Variants in ZMYND8 observed in about 807,000 individuals in gnomAD.
The protein encoded by ZMYND8 is zinc finger MYND-type containing 8.
Under a neutral mutation model 140.8 loss-of-function variants are expected in ZMYND8, and 37 were observed. That is an observed-to-expected ratio of 0.26 (90% CI 0.20 to 0.35). The LOEUF is 0.35. ZMYND8 is among the 10% of genes least tolerant of loss of function. The probability of loss-of-function intolerance (pLI) is 1.00; values close to 1 mark genes in which losing one functional copy is unlikely to be tolerated. For missense variants in ZMYND8, 1,068 were observed against 1,570.0 expected (o/e 0.68, Z 5.40); for synonymous variants, 592 against 597.1 (o/e 0.99, Z 0.12).
intron 2 of ZMYND8, among the ~76,000 whole-genome samples, chr20:47,332,342 G>C (rs781350451): frequency 1.3e-5 from 2 of 151,952 alleles, no homozygotes; most frequent in Non-Finnish European, 2.9e-5. Flanking sequence ...TTGAAGAAGA[G>C]GACAGAAATA....
chr20:47,273,501 G>A (rs748960683), intron 11 of ZMYND8, among the ~76,000 whole-genome samples: 7 of 152,302 alleles, frequency 4.6e-5, no homozygotes, highest in South Asian at 2.1e-4. Flanking sequence ...AGCCGAGATC[G>A]TGGCACTGCG....
At chr20:47,319,006 GAAC>G (rs1569187184) in intron 2 of ZMYND8, 6 of 1,351,382 alleles carry the variant, frequency 4.4e-6, no homozygotes, top group African/African-American at 1.5e-5. Context: ...GTTCAAAAGA[GAAC>G]AGAGGCTCAC....
intron 2 of ZMYND8, among the ~76,000 whole-genome samples, chr20:47,336,020 C>T (rs1395497794): frequency 6.6e-6 from 1 of 152,174 alleles, no homozygotes; most frequent in Non-Finnish European, 1.5e-5. Context: ...AATACTGATG[C>T]TCATTTTTTG....
intron 12 of ZMYND8, among the ~76,000 whole-genome samples, chr20:47,258,950 C>T (rs2281208): frequency 0.24 from 36,361 of 151,802 alleles, 4,753 homozygotes; most frequent in Non-Finnish European, 0.3. Flanking sequence ...TGTCCTGAAC[C>T]GGAAGAGCTG....
intron 7 of ZMYND8, among the ~76,000 whole-genome samples, chr20:47,288,766 C>T (rs1205879949): frequency 6.6e-6 from 1 of 152,198 alleles, no homozygotes; most frequent in African/African-American, 2.4e-5. Context: ...GTTAGTAATG[C>T]AATATGGTGC....
At chr20:47,283,784 C>G in intron 8 of ZMYND8, 136 bp from the exon 9 acceptor site, 1 of 798,428 alleles carries the variant, frequency 1.3e-6, no homozygotes, top group East Asian at 2.8e-5. Context: ...TGAATCCAAC[C>G]ACTATGTATC....
intron 3 of ZMYND8, among the ~76,000 whole-genome samples, chr20:47,301,727 T>A (rs1483852902): frequency 6.6e-6 from 1 of 152,076 alleles, no homozygotes; most frequent in East Asian, 1.9e-4. Flanking sequence ...TTGTGATGAG[T>A]CACATATATT....
chr20:47,330,148 A>AT (rs1055601558), intron 2 of ZMYND8, among the ~76,000 whole-genome samples: 1 of 152,150 alleles, frequency 6.6e-6, no homozygotes, highest in African/African-American at 2.4e-5. Flanking sequence ...CTGGAAGGCA[A>AT]TGCCAAGTGT....
Position 47,302,543 on chromosome 20 carries a change from T to TA in ZMYND8, c.235-3597dup, listed in dbSNP as rs201345742. ...TATGCAAATATTCCAAATTAAAAAATAAAAAAAAACACTTCTGGTCCCAAG... is the reference window on the plus strand; with the variant it reads ...TATGCAAATATTCCAAATTAAAAAATAAAAAAAAAACACTTCTGGTCCCAAG... On this transcript the variant is annotated intron_variant, in intron 3 of 22. Coordinates refer to ENST00000471951, the MANE Select transcript of ZMYND8 (RefSeq NM_001281775.3). 2.4e-3 allele frequency among the ~76,000 whole-genome samples: 368 copies of TA among 150,520 alleles called. 1 individual carries two copies. The highest frequency in any genetic ancestry group is 6.6e-3 in the African/African-American group (270 of 41,044).
intron 2 of ZMYND8, among the ~76,000 whole-genome samples, chr20:47,336,530 C>T (rs561293931): frequency 5.9e-5 from 9 of 152,166 alleles, no homozygotes; most frequent in Non-Finnish European, 1.2e-4. Context: ...TGTATGGAGA[C>T]GTGAATTCAA....
At position 47,236,938 on chromosome 20, in the gene ZMYND8, T is replaced by C. The variant is rs376136299; in HGVS notation, c.2666-422A>G. Reference sequence around the variant, plus strand: ...AGATGTTTAACTTCCCTGACTCTACTGAGGCCCAACTCGCTCCCATCCCTA... The same window carrying C: ...AGATGTTTAACTTCCCTGACTCTACCGAGGCCCAACTCGCTCCCATCCCTA... On this transcript the variant is annotated intron_variant, in intron 15 of 22. Transcript: ENST00000471951. 9.2e-5 allele frequency among the ~76,000 whole-genome samples: 14 copies of C among 152,332 alleles called. No individual in the cohort carries two copies. In the East Asian group the frequency reaches 1.5e-3, roughly 17 times the overall value.
chr20:47,309,762 A>T (rs1601800984), intron 3 of ZMYND8, among the ~76,000 whole-genome samples: 2 of 150,696 alleles, frequency 1.3e-5, no homozygotes, highest in Admixed American at 1.3e-4. Context: ...CAGTCCTAAA[A>T]GCATGAAAAA....
rs566300275 is a variant in ZMYND8 at position 47,298,504 on chromosome 20, T to C, written c.453+225A>G. 6.1e-6 allele frequency: 6 copies of C among 985,418 alleles called. 1 individual carries two copies. In the South Asian group the frequency reaches 1.9e-4, roughly 31 times the overall value. 61.0% of individuals were successfully genotyped at this position (985,418 alleles called of 1,614,324 possible). A position where few individuals can be genotyped will look rare whatever the true frequency, so the allele number is the denominator to read the frequency against. On this transcript the variant is annotated intron_variant, in intron 4 of 22. Coordinates refer to ENST00000471951, the MANE Select transcript of ZMYND8 (RefSeq NM_001281775.3). The surrounding 1 kb of genome is among the most constrained non-coding windows in gnomAD (Gnocchi z 5.0). Reference sequence around the variant, plus strand: ...GATCTCCAAGGAATCCAAGGACTCATGAGAAATCAGAAATAATATTCCGTG... The same window carrying C: ...GATCTCCAAGGAATCCAAGGACTCACGAGAAATCAGAAATAATATTCCGTG...
At chr20:47,219,126 C>T (rs2036567514) in intron 21 of ZMYND8, among the ~76,000 whole-genome samples, 1 of 144,328 alleles carries the variant, frequency 6.9e-6, no homozygotes, top group Non-Finnish European at 1.5e-5. Flanking sequence ...GGCACGATCT[C>T]GACTCACTGC....
At chr20:47,247,472 C>T (rs1159838810) in intron 13 of ZMYND8, among the ~76,000 whole-genome samples, 1 of 152,214 alleles carries the variant, frequency 6.6e-6, no homozygotes, top group African/African-American at 2.4e-5. Context: ...GGAAGAAGCA[C>T]AAACTAGCAG....
intron 21 of ZMYND8, among the ~76,000 whole-genome samples, chr20:47,218,519 C>T (rs2036456385): frequency 6.6e-6 from 1 of 152,154 alleles, no homozygotes; most frequent in Non-Finnish European, 1.5e-5. Flanking sequence ...ATAAAATCTG[C>T]TGTTAAATCA....
At chr20:47,308,486 G>A (rs907337517) in intron 3 of ZMYND8, among the ~76,000 whole-genome samples, 5 of 152,116 alleles carry the variant, frequency 3.3e-5, no homozygotes, top group Non-Finnish European at 4.4e-5. Flanking sequence ...CTCCCAAAAC[G>A]CTGGGATTAC....
chr20:47,250,417 A>T (rs940111134), intron 12 of ZMYND8, among the ~76,000 whole-genome samples: 7 of 152,198 alleles, frequency 4.6e-5, no homozygotes, highest in African/African-American at 1.7e-4. Flanking sequence ...AGTGTGAGGC[A>T]TCTGTCCTAC....
rs572196584 is a variant in ZMYND8 at position 47,301,421 on chromosome 20, G to A, written c.235-2474C>T. ...TCTGTCCGTCTCTGCCTCCCAAAGT[G>A]CTGGGATTACAGGTGTTGGCCACTG... is the stretch of plus-strand genomic sequence containing the variant. On this transcript the variant is annotated intron_variant, in intron 3 of 22. Coordinates refer to ENST00000471951, the MANE Select transcript of ZMYND8 (RefSeq NM_001281775.3). Among the ~76,000 whole-genome samples, 5 of 152,218 alleles carry A rather than the reference G, an allele frequency of 3.3e-5. No homozygotes were observed. The South Asian group carries it at 1.0e-3, about 32-fold the overall frequency.
Sources: allele counts gnomAD v4.1 joint callset (sites outside exome capture counted in the v4.1 genomes callset), GRCh38; gene constraint gnomAD v4.1.1; non-coding constraint Gnocchi (gnomAD v3.1); transcripts MANE v1.5; gene names NCBI Gene and HGNC (gene_info 2026-07-23, HGNC 2026-07-21).